SLC2A1: variants seen among roughly 807,000 people sequenced by gnomAD.
SLC2A1 encodes the protein solute carrier family 2, facilitated glucose transporter member 1.
SLC2A1 carries 4 observed loss-of-function variants against 46.6 expected under a neutral mutation model. The ratio of observed to expected loss-of-function variants is 0.09; its 90% CI spans 0.04 to 0.20. The LOEUF is 0.20. Among genes scored for constraint, SLC2A1 ranks in the 10% least tolerant of loss-of-function variants. The pLI is 1.00. For synonymous variants in SLC2A1, 253 were observed against 270.0 expected, an observed-to-expected ratio of 0.94 and a Z score of 0.62; for missense variants, 352 against 667.0, an observed-to-expected ratio of 0.53 and a Z score of 5.20.
chr1:42,948,700 G>A (rs368860053), intron 1 of SLC2A1, among the ~76,000 whole-genome samples: 3 of 152,204 alleles, frequency 2.0e-5, no homozygotes, highest in Admixed American at 6.5e-5. Flanking sequence ...AGGCCGAGGC[G>A]GGCGGATTGG....
intron 1 of SLC2A1, 49 bp from the exon 2 acceptor site, chr1:42,943,370 A>G (rs1219009199): frequency 2.2e-6 from 3 of 1,386,182 alleles, no homozygotes; most frequent in Non-Finnish European, 3.1e-6. Context: ...GGAGCAGGTT[A>G]CTACAGGGCA....
At position 42,927,823 on chromosome 1, in the gene SLC2A1, G is replaced by A. The variant is rs188044902; in HGVS notation, c.1075-15C>T. 31 of 1,597,348 alleles carry A rather than the reference G, an allele frequency of 1.9e-5. No homozygotes were observed. The East Asian group carries it at 4.0e-4, about 21-fold the overall frequency. On this transcript the variant is annotated splice_polypyrimidine_tract_variant and intron_variant, in intron 8 of 9. Coordinates refer to ENST00000426263, the MANE Select transcript of SLC2A1 (RefSeq NM_006516.4). The surrounding 1 kb of genome is among the most constrained non-coding windows in gnomAD (Gnocchi z 5.3). ...GGTAGCTGCTCCTGTTGAGGATGAC[G>A]GAGAGGGGGAAAAGTTAGACTGGGT...
intron 1 of SLC2A1, chr1:42,952,371 C>T (rs1235517491): frequency 2.1e-6 from 1 of 477,784 alleles, no homozygotes; most frequent in East Asian, 6.3e-5. Flanking sequence ...CAGCCTAGCG[C>T]TTGGCTGGAG....
At chr1:42,931,693 G>A (rs1643491532) in intron 2 of SLC2A1, among the ~76,000 whole-genome samples, 1 of 152,036 alleles carries the variant, frequency 6.6e-6, no homozygotes, top group African/African-American at 2.4e-5. Context: ...GCTGGACGTG[G>A]TGGCGCAAGC....
Position 42,929,992 on chromosome 1 carries a change from G to T in SLC2A1, c.560C>A (p.Pro187His). 1.9e-6 allele frequency: 3 copies of T among 1,614,168 alleles called. No homozygotes were observed. The highest frequency in any genetic ancestry group is 2.5e-6 in the Non-Finnish European group (3 of 1,179,998). Residue 187 changes from proline (P) to histidine (H), a missense_variant, in exon 5 of 10, where the codon CCC becomes CAC. Coordinates refer to ENST00000426263, the MANE Select transcript of SLC2A1 (RefSeq NM_006516.4). The surrounding 1 kb of genome is among the most constrained non-coding windows in gnomAD (Gnocchi z 6.0). ...DSIMGNKDLW[P>H]LLLSIIFIPA... ...GATGAAGATGATGCTCAGCAGCAGG[G>T]GCCACAGGTCCTTGTTGCCCATGAT...
chr1:42,934,914 G>A (rs549465440), intron 2 of SLC2A1, among the ~76,000 whole-genome samples: 14 of 152,052 alleles, frequency 9.2e-5, no homozygotes, highest in African/African-American at 2.2e-4. Flanking sequence ...TTCTGCTCCC[G>A]ACTCTTCCTA....
chr1:42,936,614 G>A (rs1415710502), intron 2 of SLC2A1, among the ~76,000 whole-genome samples: 1 of 152,122 alleles, frequency 6.6e-6, no homozygotes, highest in Non-Finnish European at 1.5e-5. Context: ...TGCTTCCCTG[G>A]AACAGCCCTG....
In SLC2A1 at chr1:42,958,764, C is replaced by G; in HGVS notation, c.-113G>C. The G allele has an allele frequency of 7.1e-6, 8 of 1,134,232 alleles. No individual in the cohort carries two copies. Among genetic ancestry groups the G allele is most frequent in the Non-Finnish European group, 1.0e-5 (8 of 794,024 alleles). The allele number at this position is 1,134,232 out of a possible 1,614,324, so 70.3% of individuals were successfully genotyped here. On this transcript the variant is annotated 5_prime_UTR_variant, in exon 1 of 10. Transcript: ENST00000426263. ...TCCGGTCCGGGGACTCCCACTGCGACTCTGACTCCGACCCCCGTCGTTTGG... is the reference window on the plus strand; with the variant it reads ...TCCGGTCCGGGGACTCCCACTGCGAGTCTGACTCCGACCCCCGTCGTTTGG...
chr1:42,947,254 G>A (rs577711622), intron 1 of SLC2A1, among the ~76,000 whole-genome samples: 72 of 152,278 alleles, frequency 4.7e-4, no homozygotes, highest in Non-Finnish European at 2.5e-4. Flanking sequence ...TCTTGTGGGA[G>A]CCTTTTTTAC....
intron 1 of SLC2A1, among the ~76,000 whole-genome samples, chr1:42,956,053 T>C (rs529724720): frequency 2.6e-5 from 4 of 152,176 alleles, no homozygotes; most frequent in African/African-American, 7.2e-5. Context: ...GCCTCTAACA[T>C]CATGCACAAA....
intron 2 of SLC2A1, among the ~76,000 whole-genome samples, chr1:42,942,416 C>G (rs1222435764): frequency 6.6e-6 from 1 of 151,956 alleles, no homozygotes; most frequent in Admixed American, 6.6e-5. Context: ...TACCCCCTAC[C>G]CCCTTTTCCT....
In SLC2A1 at chr1:42,927,102, C is replaced by T. The variant is rs774241047; in HGVS notation, c.1418G>A (p.Ser473Asn). The change falls in exon 10 of 10, where the codon AGC (serine) becomes AAC (asparagine). Residue 473 changes from serine (S) to asparagine (N), a missense_variant. This residue lies in a region of SLC2A1 where 41 missense variants were observed against 49.1 expected (regional missense o/e 0.83). Coordinates refer to ENST00000426263, the MANE Select transcript of SLC2A1 (RefSeq NM_006516.4). This position sits in a 1 kb window ranked among gnomAD's most constrained non-coding sequence, Gnocchi z 5.3. ...CTCCTCGGGTGTCTTGTCACTTTGG[C>T]TGGCTCCCCCCTGCCGGAAGCCGGA... ...IASGFRQGGA[S>N]QSDKTPEELF... 2.5e-6 allele frequency: 4 copies of T among 1,614,222 alleles called. No homozygotes were observed. The Admixed American group carries it at 6.7e-5, about 27-fold the overall frequency.
chr1:42,950,462 T>C (rs17387775), intron 1 of SLC2A1, among the ~76,000 whole-genome samples: 22,099 of 152,276 alleles, frequency 0.15, 1,822 homozygotes, highest in South Asian at 0.19. Context: ...TATGGAATGT[T>C]AAATGTAAAT....
Position 42,958,722 on chromosome 1 carries a change from C to G in SLC2A1, c.-71G>C. ...GCGACGGGCGTGCGAGCGGCGCTCTCCCGCTCAGGCTCGTGCTCCGGTCCG... is the reference window on the plus strand; with the variant it reads ...GCGACGGGCGTGCGAGCGGCGCTCTGCCGCTCAGGCTCGTGCTCCGGTCCG... On this transcript the variant is annotated 5_prime_UTR_variant, in exon 1 of 10. Transcript: ENST00000426263. 1.4e-6 allele frequency: 2 copies of G among 1,481,288 alleles called. No homozygotes were observed. Among genetic ancestry groups the G allele is most frequent in the South Asian group, 1.2e-5 (1 of 82,030 alleles). 91.8% of individuals were successfully genotyped at this position (1,481,288 alleles called of 1,614,324 possible).
chr1:42,929,359 C>T lies in SLC2A1; in HGVS notation c.868-45G>A. 1 of 1,464,564 alleles carries T rather than the reference C, an allele frequency of 6.8e-7. No individual in the cohort carries two copies. Among genetic ancestry groups the T allele is most frequent in the Non-Finnish European group, 9.4e-7 (1 of 1,059,990 alleles). 90.7% of individuals were successfully genotyped at this position (1,464,564 alleles called of 1,614,324 possible). A position where few individuals can be genotyped will look rare whatever the true frequency, so the allele number is the denominator to read the frequency against. ...GTTGGGGCCTACCTGGACATTGTGG[C>T]CCTTCCCTGCCTCTGTAGCAGTGGA... On this transcript the variant is annotated intron_variant, in intron 6 of 9. Transcript: ENST00000426263. The surrounding 1 kb of genome is among the most constrained non-coding windows in gnomAD (Gnocchi z 6.0).
At chr1:42,947,581 C>CAAAAAAAAAAAAA in intron 1 of SLC2A1, among the ~76,000 whole-genome samples, 1 of 55,836 alleles carries the variant, frequency 1.8e-5, no homozygotes, top group Non-Finnish European at 3.1e-5. Flanking sequence ...CACACACACA[C>CAAAAAAAAAAAAA]AAAAAAAAAA....
At chr1:42,947,713 T>G (rs1643674051) in intron 1 of SLC2A1, among the ~76,000 whole-genome samples, 1 of 150,258 alleles carries the variant, frequency 6.7e-6, no homozygotes, top group African/African-American at 2.5e-5. Context: ...CAGAGTGAGA[T>G]AAAAAAAAGG....
chr1:42,934,846 T>C (rs564028912), intron 2 of SLC2A1, among the ~76,000 whole-genome samples: 1 of 152,164 alleles, frequency 6.6e-6, no homozygotes, highest in Non-Finnish European at 1.5e-5. Context: ...CTCTCGATTC[T>C]GCCTCCGAGT....
intron 1 of SLC2A1, among the ~76,000 whole-genome samples, chr1:42,949,630 G>A (rs943946418): frequency 2.6e-5 from 4 of 152,186 alleles, no homozygotes; most frequent in Admixed American, 6.5e-5. Context: ...GAAGGCACTC[G>A]CCAGTCTTCA....
Sources: allele counts gnomAD v4.1 joint callset (sites outside exome capture counted in the v4.1 genomes callset), GRCh38; gene constraint gnomAD v4.1.1; regional missense constraint gnomAD v4.1.1; non-coding constraint Gnocchi (gnomAD v3.1); transcripts MANE v1.5; gene names NCBI Gene and HGNC (gene_info 2026-07-23, HGNC 2026-07-21).